Variants in PON2 observed in about 807,000 individuals in gnomAD.
PON2 encodes paraoxonase 2, also known as serum paraoxonase/arylesterase 2.
In PON2, 27 loss-of-function variants were observed where a neutral mutation model predicts 36.6. The observed-to-expected ratio is 0.74, with a 90% CI of 0.54 to 1.02. The LOEUF (loss-of-function observed/expected upper bound fraction) is 1.02. PON2 is among the 50% of genes least tolerant of loss of function. The pLI is 0.00. For missense variants in PON2, 363 were observed against 421.1 expected (o/e 0.86, Z 1.21); for synonymous variants, 149 against 156.3 (o/e 0.95, Z 0.35).
At chr7:95,421,911 C>G (rs1159308621) in intron 2 of PON2, among the ~76,000 whole-genome samples, 1 of 152,188 alleles carries the variant, frequency 6.6e-6, no homozygotes, top group Non-Finnish European at 1.5e-5. Context: ...GTGCTGAGAA[C>G]TCTGTCTGGA....
rs1317583564 is a variant in PON2, at chr7:95,434,989, G to A, written c.-38C>T. ...GGGCGCGCTGCCTCGCTCCGGCCTG[G>A]CCAGCAGCTCCGTGGGCGGTGCCAT... On this transcript the variant is annotated 5_prime_UTR_variant, in exon 1 of 9. Coordinates refer to ENST00000222572, the MANE Select transcript of PON2 (RefSeq NM_000305.3). The A allele has an allele frequency of 1.8e-5, 27 of 1,506,432 alleles. No homozygotes were observed. The East Asian group carries it at 7.2e-4, about 40-fold the overall frequency. 93.3% of individuals were successfully genotyped at this position (1,506,432 alleles called of 1,614,324 possible).
intron 1 of PON2, among the ~76,000 whole-genome samples, chr7:95,427,186 T>A (rs1417140842): frequency 6.6e-6 from 1 of 152,202 alleles, no homozygotes; most frequent in East Asian, 1.9e-4. Context: ...TTTGCCTTTA[T>A]CCTTCCTGGA....
In PON2 at chr7:95,427,217, C is replaced by A. The variant is rs183030031; in HGVS notation, c.75-2632G>T. Among the ~76,000 whole-genome samples the A allele has an allele frequency of 2.6e-5, 4 of 152,240 alleles. No individual in the cohort carries two copies. The East Asian group carries it at 7.7e-4, about 29-fold the overall frequency. ...CTGGACCATCAAGACTTCCAAATTT[C>A]TTCAGTAGGAAACTGCCAGACTTTT... On this transcript the variant is annotated intron_variant, in intron 1 of 8. Coordinates refer to ENST00000222572, the MANE Select transcript of PON2 (RefSeq NM_000305.3).
chr7:95,406,411 G>A, intron 7 of PON2, 164 bp from the exon 8 acceptor site: 1 of 726,680 alleles, frequency 1.4e-6, no homozygotes, highest in South Asian at 1.8e-5. Flanking sequence ...AAACTGGTTT[G>A]GAGCCACTTT....
chr7:95,405,089 T>C lies in PON2; in HGVS notation c.*241A>G. Reference sequence around the variant, plus strand: ...TGAGGCTTACTTTGTGCAAAATGTATTCACTTTATTCGAAAGCAGCTTTCT... The same window carrying C: ...TGAGGCTTACTTTGTGCAAAATGTACTCACTTTATTCGAAAGCAGCTTTCT... On this transcript the variant is annotated 3_prime_UTR_variant, in exon 9 of 9. Coordinates refer to ENST00000222572, the MANE Select transcript of PON2 (RefSeq NM_000305.3). The C allele has an allele frequency of 2.2e-6, 1 of 461,662 alleles. No individual in the cohort carries two copies. Among genetic ancestry groups the C allele is most frequent in the South Asian group, 2.4e-5 (1 of 41,910 alleles). 28.6% of individuals were successfully genotyped at this position (461,662 alleles called of 1,614,324 possible). A position where few individuals can be genotyped will look rare whatever the true frequency, so the allele number is the denominator to read the frequency against.
At chr7:95,418,290 T>C (rs538801403) in intron 2 of PON2, 2 of 152,206 alleles carry the variant, frequency 1.3e-5, no homozygotes, top group Non-Finnish European at 2.9e-5. Context: ...GCATACAATA[T>C]CTCATATGAT....
intron 2 of PON2, among the ~76,000 whole-genome samples, chr7:95,422,616 T>G (rs749269545): frequency 6.6e-6 from 1 of 152,096 alleles, no homozygotes; most frequent in African/African-American, 2.4e-5. Context: ...TGTACAGGAG[T>G]ATTCATAAAA....
chr7:95,434,082 A>G (rs17876055), intron 1 of PON2, among the ~76,000 whole-genome samples: 8 of 152,194 alleles, frequency 5.3e-5, no homozygotes, highest in African/African-American at 1.9e-4. Flanking sequence ...GAGGCAGGGC[A>G]GAACAGCTCA....
chr7:95,412,523 T>C, intron 3 of PON2, 46 bp from the exon 4 acceptor site: 1 of 1,571,464 alleles, frequency 6.4e-7, no homozygotes, highest in East Asian at 2.2e-5. Context: ...CTTAAGTATT[T>C]TTATGGACTA....
rs1441684177 is a variant in PON2 at position 95,434,916 on chromosome 7, G to C, written c.36C>G (p.Ile12Met). The C allele has an allele frequency of 1.9e-6, 3 of 1,539,210 alleles. No individual in the cohort carries two copies. Among genetic ancestry groups the C allele is most frequent in the African/African-American group, 2.8e-5 (2 of 72,088 alleles). ...GCCTCTCGCCCAGGAGCGCCAGCGC[G>C]ATCCCCAGCAAGCCCACAGCCACCA... Reference protein sequence around the residue: ...GRLVAVGLLGIALALLGERLL... With the variant: ...GRLVAVGLLGMALALLGERLL... The change falls in exon 1 of 9, where the codon ATC (isoleucine) becomes ATG (methionine). Residue 12 changes from isoleucine (I) to methionine (M), a missense_variant. Transcript: ENST00000222572.
chr7:95,408,722 T>A (rs1000425223), intron 6 of PON2, among the ~76,000 whole-genome samples: 15 of 152,212 alleles, frequency 9.9e-5, no homozygotes, highest in Non-Finnish European at 1.9e-4. Flanking sequence ...TTTGTAGTAG[T>A]TTAAATTTTT....
chr7:95,423,293 G>C (rs1436792583), intron 2 of PON2, among the ~76,000 whole-genome samples: 3 of 142,626 alleles, frequency 2.1e-5, no homozygotes, highest in Non-Finnish European at 4.5e-5. Context: ...CTGCATTCTG[G>C]CCTGGGTGAC....
At chr7:95,433,440 C>T (rs1789488189) in intron 1 of PON2, among the ~76,000 whole-genome samples, 1 of 152,134 alleles carries the variant, frequency 6.6e-6, no homozygotes, top group Admixed American at 6.5e-5. Context: ...GCCACTCAGA[C>T]ACCAGCCCTC....
chr7:95,430,001 T>C (rs1789400804), intron 1 of PON2, among the ~76,000 whole-genome samples: 1 of 152,212 alleles, frequency 6.6e-6, no homozygotes, highest in African/African-American at 2.4e-5. Context: ...TATTCATTAA[T>C]TATATTATTC....
intron 1 of PON2, among the ~76,000 whole-genome samples, chr7:95,431,483 A>C (rs1261013575): frequency 6.6e-6 from 1 of 151,570 alleles, no homozygotes; most frequent in Non-Finnish European, 1.5e-5. Context: ...CCAGTGGCTC[A>C]ATCTTGGCTC....
rs543095371 is a variant in PON2, at chr7:95,422,583, C to A, written c.145+1932G>T. ...TTTGAAATATTATGCATAATTTGAC[C>A]TCACTTATGTTTTTAAAAATTATGT... On this transcript the variant is annotated intron_variant, in intron 2 of 8. Transcript: ENST00000222572. Among the ~76,000 whole-genome samples the A allele has an allele frequency of 1.4e-4, 22 of 152,162 alleles. 1 individual carries two copies. Among genetic ancestry groups the A allele is most frequent in the African/African-American group, 4.1e-4 (17 of 41,518 alleles).
At chr7:95,406,346 A>G in intron 7 of PON2, 99 bp from the exon 8 acceptor site, 2 of 1,324,516 alleles carry the variant, frequency 1.5e-6, no homozygotes, top group Non-Finnish European at 2.1e-6. Flanking sequence ...AGGAAATTAC[A>G]CATCGCCCTG....
At chr7:95,427,611 T>C (rs983984409) in intron 1 of PON2, among the ~76,000 whole-genome samples, 3 of 151,888 alleles carry the variant, frequency 2.0e-5, no homozygotes, top group Non-Finnish European at 4.4e-5. Context: ...TAGGGGGAGA[T>C]CAAAGAATGA....
At chr7:95,426,193 T>A (rs909726586) in intron 1 of PON2, among the ~76,000 whole-genome samples, 2 of 151,980 alleles carry the variant, frequency 1.3e-5, no homozygotes, top group Non-Finnish European at 2.9e-5. Flanking sequence ...AACCTCAGCA[T>A]CAGACAATAT....
Sources: allele counts gnomAD v4.1 joint callset (sites outside exome capture counted in the v4.1 genomes callset), GRCh38; gene constraint gnomAD v4.1.1; transcripts MANE v1.5; gene names NCBI Gene and HGNC (gene_info 2026-07-23, HGNC 2026-07-21).